Variants in TOX observed in about 807,000 individuals in gnomAD.
The protein encoded by TOX is thymocyte selection-associated high mobility group box protein TOX.
A neutral mutation model predicts 53.7 loss-of-function variants in TOX; 11 were observed. The observed-to-expected ratio is 0.20, with a 90% CI of 0.13 to 0.34. The LOEUF is 0.34. Among genes scored for constraint, TOX ranks in the 10% least tolerant of loss-of-function variants. TOX has a pLI of 1.00. For missense variants in TOX, 570 were observed against 664.6 expected (o/e 0.86, Z 1.56); for synonymous variants, 225 against 245.3 (o/e 0.92, Z 0.77).
intron 3 of TOX, among the ~76,000 whole-genome samples, chr8:58,915,638 A>G (rs1469210424): frequency 2.7e-5 from 4 of 147,304 alleles, no homozygotes; most frequent in African/African-American, 1.0e-4. Flanking sequence ...TCTAAAACGC[A>G]GAGCGCCTCT....
At chr8:58,807,985 C>G (rs1004550684) in intron 8 of TOX, 133 bp downstream of exon 8, 67 of 1,306,616 alleles carry the variant, frequency 5.1e-5, no homozygotes, top group Non-Finnish European at 1.1e-5. Context: ...TTAACAATTT[C>G]TGGTGTCTTC....
chr8:59,056,842 A>G (rs889628095), intron 1 of TOX, among the ~76,000 whole-genome samples: 1 of 152,228 alleles, frequency 6.6e-6, no homozygotes, highest in Non-Finnish European at 1.5e-5. Flanking sequence ...TCTTGGCAGC[A>G]AGTCAGATCT....
chr8:58,851,792 C>A lies in TOX; in HGVS notation c.425G>T (p.Arg142Leu). ...ACTGTACTGAGTTCCTTCTGGGTTT[C>A]GTATATCTGGCATCTACAATAAATA... ...SNSISVMPDI[R>L]NPEGTQYSSH... Residue 142 changes from arginine to leucine, a missense_variant, in exon 4 of 9, where the codon CGA becomes CTA. By Grantham distance (102) the Arg-to-Leu change is moderately radical. Around this residue, in one of 3 missense-constraint regions of TOX, gnomAD observed 282 missense variants for 315.0 expected, o/e 0.90. Transcript: ENST00000361421. The surrounding 1 kb of genome is among the most constrained non-coding windows in gnomAD (Gnocchi z 4.4). The A allele has an allele frequency of 6.4e-7, 1 of 1,564,906 alleles. No individual in the cohort carries two copies. Among genetic ancestry groups the A allele is most frequent in the Non-Finnish European group, 8.7e-7 (1 of 1,150,592 alleles).
chr8:58,811,028 T>C (rs1810068472), intron 7 of TOX, among the ~76,000 whole-genome samples: 1 of 152,230 alleles, frequency 6.6e-6, no homozygotes, highest in Admixed American at 6.5e-5. Flanking sequence ...TTAAGATCAC[T>C]AATATCAAAA....
intron 3 of TOX, among the ~76,000 whole-genome samples, chr8:58,880,748 A>G (rs547352303): frequency 1.3e-5 from 2 of 152,354 alleles, no homozygotes; most frequent in South Asian, 4.1e-4. Flanking sequence ...AAGCTTATAA[A>G]TAATGTTTCT....
At chr8:58,881,191 C>T (rs556628649) in intron 3 of TOX, among the ~76,000 whole-genome samples, 5 of 152,208 alleles carry the variant, frequency 3.3e-5, no homozygotes, top group Admixed American at 6.5e-5. Flanking sequence ...CTTTTAACTT[C>T]GTTAAATGAG....
Position 59,097,978 on chromosome 8 carries a change from C to T in TOX, c.102+20908G>A, listed in dbSNP as rs185649567. 7.9e-4 allele frequency among the ~76,000 whole-genome samples: 120 copies of T among 151,718 alleles called. 5 individuals are homozygous for T. Among genetic ancestry groups the T allele is most frequent in the Admixed American group, 5.6e-3 (85 of 15,260 alleles). On this transcript the variant is annotated intron_variant, in intron 1 of 8. Transcript: ENST00000361421. ...TGCTTTAACTGAGATAAATTACTTA[C>T]GGCGCTATTGGCTGGGGGAATCACG...
rs900638806 is a variant in TOX, at chr8:58,805,473, T to C, written c.*2274A>G. ...GTTTTCTTTTATTTACATTTGTTTT[T>C]ACTGTATTTGGTATTGAATTTCAAC... is the stretch of plus-strand genomic sequence containing the variant. On this transcript the variant is annotated 3_prime_UTR_variant, in exon 9 of 9. Transcript: ENST00000361421. 1.3e-5 allele frequency: 2 copies of C among 152,522 alleles called. No homozygotes were observed. The highest frequency in any genetic ancestry group is 4.8e-5 in the African/African-American group (2 of 41,452). The allele number at this position is 152,522 out of a possible 1,614,324, so 9.4% of individuals were successfully genotyped here. A position where few individuals can be genotyped will look rare whatever the true frequency, so the allele number is the denominator to read the frequency against.
intron 1 of TOX, among the ~76,000 whole-genome samples, chr8:58,973,513 G>A (rs7014584): frequency 0.95 from 144,389 of 152,298 alleles, 68,505 homozygotes; most frequent in East Asian, 1. Context: ...TCCTTTTTAT[G>A]TTTTATCCAG....
chr8:59,018,601 C>T (rs1372252590), intron 1 of TOX, among the ~76,000 whole-genome samples: 1 of 152,070 alleles, frequency 6.6e-6, no homozygotes, highest in African/African-American at 2.4e-5. Context: ...AATCCATATA[C>T]CCCACGTGCT....
intron 3 of TOX, among the ~76,000 whole-genome samples, chr8:58,858,762 C>T (rs1480206356): frequency 1.3e-5 from 2 of 152,210 alleles, no homozygotes; most frequent in African/African-American, 4.8e-5. Flanking sequence ...TTTATACACA[C>T]TATCAAACAC....
Position 58,851,816 on chromosome 8 carries a change from TAA to T in TOX, c.412-13_412-12del, listed in dbSNP as rs759582190. 8.6e-7 allele frequency: 1 copy of T among 1,160,798 alleles called. No individual in the cohort carries two copies. The highest frequency in any genetic ancestry group is 3.6e-5 in the East Asian group (1 of 27,946). 71.9% of individuals were successfully genotyped at this position (1,160,798 alleles called of 1,614,324 possible). On this transcript the variant is annotated splice_polypyrimidine_tract_variant and intron_variant, in intron 3 of 8. Transcript: ENST00000361421. The surrounding 1 kb of genome is among the most constrained non-coding windows in gnomAD (Gnocchi z 4.4). The stretch of plus-strand genomic sequence containing the variant: ...TCGTATATCTGGCATCTACAATAAA[TAA>T]ATAAATAAATAAATAAATAAATAAA...
intron 5 of TOX, among the ~76,000 whole-genome samples, chr8:58,830,092 T>C (rs1434604667): frequency 6.6e-6 from 1 of 152,204 alleles, no homozygotes; most frequent in Non-Finnish European, 1.5e-5. Flanking sequence ...ATGTGATTCA[T>C]ACAGTAAATA....
intron 6 of TOX, among the ~76,000 whole-genome samples, chr8:58,821,135 G>A (rs749845064): frequency 3.9e-5 from 6 of 151,910 alleles, no homozygotes; most frequent in Non-Finnish European, 7.4e-5. Context: ...ATGCATTTTT[G>A]TTTATATCTA....
intron 4 of TOX, 144 bp from the exon 5 acceptor site, chr8:58,838,455 A>AT (rs1264708294): frequency 5.1e-4 from 332 of 648,254 alleles, no homozygotes; most frequent in South Asian, 7.2e-4. Flanking sequence ...TTGTTTTGTT[A>AT]TTTTTTTTTC....
At chr8:58,941,984 C>T (rs78084914) in intron 2 of TOX, among the ~76,000 whole-genome samples, 5 of 146,226 alleles carry the variant, frequency 3.4e-5, no homozygotes, top group South Asian at 2.2e-4. Context: ...ACCCAGGAAG[C>T]GGAGGTTGCG....
intron 1 of TOX, among the ~76,000 whole-genome samples, chr8:59,063,665 A>G (rs990085945): frequency 4.0e-5 from 6 of 151,640 alleles, no homozygotes; most frequent in Non-Finnish European, 8.8e-5. Context: ...CTCGTGATCC[A>G]CCCGCCTCGG....
At chr8:58,862,133 C>T (rs1045746371) in intron 3 of TOX, among the ~76,000 whole-genome samples, 3 of 151,908 alleles carry the variant, frequency 2.0e-5, no homozygotes, top group Admixed American at 6.6e-5. Flanking sequence ...TAGCATGAAA[C>T]GAAGACAGGA....
chr8:59,100,938 A>G (rs1804795334), intron 1 of TOX, among the ~76,000 whole-genome samples: 1 of 152,208 alleles, frequency 6.6e-6, no homozygotes, highest in African/African-American at 2.4e-5. Flanking sequence ...TTAAAAATTC[A>G]TTCCTTTAGC....
Sources: allele counts gnomAD v4.1 joint callset (sites outside exome capture counted in the v4.1 genomes callset), GRCh38; gene constraint gnomAD v4.1.1; regional missense constraint gnomAD v4.1.1; non-coding constraint Gnocchi (gnomAD v3.1); transcripts MANE v1.5; gene names NCBI Gene and HGNC (gene_info 2026-07-23, HGNC 2026-07-21).